The following DLG2 variants were observed in gnomAD, a reference collection of about 807,000 sequenced individuals.
DLG2 encodes the protein disks large homolog 2.
Under a neutral mutation model 132.5 loss-of-function variants are expected in DLG2, and 45 were observed. That is an observed-to-expected ratio of 0.34 (90% CI 0.27 to 0.44). The LOEUF is 0.44. Ranked by LOEUF, DLG2 falls within the 20% of genes least tolerant of loss-of-function variation. The pLI, the probability that DLG2 is intolerant of heterozygous loss-of-function variation, is 1.00. For synonymous variants in DLG2, 424 were observed against 419.6 expected (o/e 1.01, Z -0.13); for missense variants, 1,045 against 1,196.9 (o/e 0.87, Z 1.87).
intron 7 of DLG2, among the ~76,000 whole-genome samples, chr11:84,349,837 A>AAT (rs10694163): frequency 3.2e-4 from 48 of 150,662 alleles, no homozygotes; most frequent in Non-Finnish European, 4.1e-4. Context: ...CTGCCTCTAA[A>AAT]ATATATATAT....
At chr11:85,409,763 T>A (rs1377751760) in intron 3 of DLG2, among the ~76,000 whole-genome samples, 5 of 151,872 alleles carry the variant, frequency 3.3e-5, no homozygotes, top group Non-Finnish European at 7.4e-5. Context: ...AGCAAATTAT[T>A]TAAACTCTCT....
At chr11:84,283,325 T>G (rs2097872604) in intron 7 of DLG2, among the ~76,000 whole-genome samples, 1 of 152,202 alleles carries the variant, frequency 6.6e-6, no homozygotes, top group Non-Finnish European at 1.5e-5. Context: ...CATGGCCAAG[T>G]TCCATAGTTT....
chr11:85,432,587 G>A (rs1342935753), intron 3 of DLG2, among the ~76,000 whole-genome samples: 4 of 151,724 alleles, frequency 2.6e-5, no homozygotes, highest in Admixed American at 1.3e-4. Context: ...AAGAGTATCA[G>A]AGATGGAATA....
chr11:84,070,259 C>T (rs1247367217), intron 10 of DLG2, among the ~76,000 whole-genome samples: 1 of 152,188 alleles, frequency 6.6e-6, no homozygotes, highest in Non-Finnish European at 1.5e-5. Flanking sequence ...CTCTTACTGC[C>T]TGCTCCAGCC....
chr11:84,480,756 C>CTTTTTTTTTTTTTTTT, intron 7 of DLG2, among the ~76,000 whole-genome samples: 1 of 113,038 alleles, frequency 8.8e-6, no homozygotes, highest in Non-Finnish European at 1.9e-5. Flanking sequence ...TGGGGGTTTT[C>CTTTTTTTTTTTTTTTT]TTTTTTTTTT....
At chr11:84,541,931 C>A (rs1309867517) in intron 6 of DLG2, among the ~76,000 whole-genome samples, 1 of 152,130 alleles carries the variant, frequency 6.6e-6, no homozygotes, top group Non-Finnish European at 1.5e-5. Context: ...AAAACGGAAT[C>A]TTACATGTGC....
chr11:84,233,121 T>C (rs753524856), intron 8 of DLG2, among the ~76,000 whole-genome samples: 3 of 152,222 alleles, frequency 2.0e-5, no homozygotes. Context: ...GAAAGTGTTA[T>C]AGTAGGTAGC....
intron 5 of DLG2, among the ~76,000 whole-genome samples, chr11:85,151,467 T>C (rs542244355): frequency 2.0e-5 from 3 of 152,296 alleles, no homozygotes; most frequent in Non-Finnish European, 2.9e-5. Context: ...CCTGACATTT[T>C]TCTATTAGTT....
intron 4 of DLG2, among the ~76,000 whole-genome samples, chr11:85,164,120 C>T (rs1361541574): frequency 6.6e-6 from 1 of 152,134 alleles, no homozygotes; most frequent in African/African-American, 2.4e-5. Context: ...TTATGCAGAT[C>T]AAAGTCTCTC....
At chr11:84,165,768 G>C (rs11233930) in intron 8 of DLG2, among the ~76,000 whole-genome samples, 123,414 of 151,984 alleles carry the variant, frequency 0.81, 50,788 homozygotes, top group Middle Eastern at 0.92. Context: ...CATAGTGACA[G>C]GTGCCTGTAG....
intron 9 of DLG2, among the ~76,000 whole-genome samples, chr11:84,158,863 A>C (rs1240201714): frequency 6.6e-6 from 1 of 152,344 alleles, no homozygotes; most frequent in Middle Eastern, 3.4e-3. Flanking sequence ...TCTTGTGAGA[A>C]CTACCATGTT....
rs386755748 is a variant in DLG2, at chr11:85,526,372, CAGA to C, written c.40+72282_40+72284del. 5.1e-3 allele frequency among the ~76,000 whole-genome samples: 774 copies of C among 151,580 alleles called. 4 individuals carry two copies. Among genetic ancestry groups the C allele is most frequent in the African/African-American group, 0.017 (720 of 41,400 alleles). ...GACTTCTCATCAGAAAAATGCAAGC[CAGA>C]AGACAGTAGTGCAACATCTTTAAAG... is the stretch of plus-strand genomic sequence containing the variant. On this transcript the variant is annotated intron_variant, in intron 3 of 27. Coordinates refer to ENST00000376104, the MANE Select transcript of DLG2 (RefSeq NM_001142699.3).
chr11:83,695,675 G>A (rs188636218), intron 18 of DLG2, among the ~76,000 whole-genome samples: 4 of 152,250 alleles, frequency 2.6e-5, no homozygotes, highest in African/African-American at 7.2e-5. Context: ...GGAGGTGGAG[G>A]TTGCAGTGAG....
At position 84,067,273 on chromosome 11, in the gene DLG2, G is replaced by A. The variant is rs190024240; in HGVS notation, c.750-7789C>T. ...CGCTTGAACACTGGAGGCGGGGGTT[G>A]CTGTGAGCCAAGACCGCGCCACTGC... On this transcript the variant is annotated intron_variant, in intron 10 of 27. Transcript: ENST00000376104. Among the ~76,000 whole-genome samples the A allele has an allele frequency of 8.5e-5, 13 of 152,206 alleles. No individual in the cohort carries two copies. In the East Asian group the frequency reaches 2.5e-3, roughly 29 times the overall value.
At chr11:84,149,405 G>T (rs1416313212) in intron 9 of DLG2, among the ~76,000 whole-genome samples, 3 of 152,230 alleles carry the variant, frequency 2.0e-5, no homozygotes, top group East Asian at 1.9e-4. Context: ...ATGATAAAAG[G>T]TAAGGGTCCA....
At chr11:84,908,824 A>G in intron 6 of DLG2, among the ~76,000 whole-genome samples, 1 of 149,818 alleles carries the variant, frequency 6.7e-6, no homozygotes, top group East Asian at 2.0e-4. Context: ...ATATTTCAAC[A>G]TATAAGCACT....
chr11:84,511,864 G>A (rs1367428082), intron 7 of DLG2, among the ~76,000 whole-genome samples: 1 of 152,104 alleles, frequency 6.6e-6, no homozygotes, highest in Non-Finnish European at 1.5e-5. Flanking sequence ...GCCTTAGAAT[G>A]TAGATTTAAA....
Position 85,326,520 on chromosome 11 carries a change from C to A in DLG2, c.41-41155G>T, listed in dbSNP as rs1175294016. Among the ~76,000 whole-genome samples, 178 of 97,814 alleles carry A rather than the reference C, an allele frequency of 1.8e-3. 3 individuals carry two copies. The highest frequency in any genetic ancestry group is 7.0e-3 in the African/African-American group (171 of 24,258). The allele number at this position is 97,814 out of a possible 152,430, so 64.2% of individuals were successfully genotyped here. On this transcript the variant is annotated intron_variant, in intron 3 of 27. Transcript: ENST00000376104. ...ACCCAGAATTTCATATCCAGCCAAACTAAGCTTCATAAGTGAAGGAGAAAT... is the reference window on the plus strand; with the variant it reads ...ACCCAGAATTTCATATCCAGCCAAAATAAGCTTCATAAGTGAAGGAGAAAT...
intron 6 of DLG2, among the ~76,000 whole-genome samples, chr11:85,059,466 A>C (rs1302587202): frequency 1.3e-5 from 2 of 151,646 alleles, no homozygotes; most frequent in African/African-American, 4.8e-5. Context: ...TTCTTACCAG[A>C]TTTAGTCATA....
Sources: gnomAD v4.1 joint callset for allele counts (sites outside exome capture counted in the v4.1 genomes callset) on GRCh38, gnomAD v4.1.1 for gene constraint, MANE v1.5 for transcripts, NCBI Gene and HGNC (gene_info 2026-07-23, HGNC 2026-07-21) for gene names.